The following SAXO1 variants were observed in gnomAD, a reference collection of about 807,000 sequenced individuals.
The protein encoded by SAXO1 is 4930500O09Rik.
In SAXO1, 21 loss-of-function variants were observed where a neutral mutation model predicts 17.5. That is an observed-to-expected ratio of 1.20 (90% CI 0.85 to 1.72). The LOEUF is 1.72. Ranked by LOEUF, SAXO1 falls within the 40% of genes most tolerant of loss-of-function variation. The probability of loss-of-function intolerance (pLI) is 0.00; values close to 1 mark genes in which losing one functional copy is unlikely to be tolerated. For synonymous variants in SAXO1, 274 were observed against 216.5 expected, an observed-to-expected ratio of 1.27 and a Z score of -2.33; for missense variants, 843 against 596.0, an observed-to-expected ratio of 1.41 and a Z score of -4.32.
intron 1 of SAXO1, among the ~76,000 whole-genome samples, chr9:18,955,448 G>A (rs1832218724): frequency 6.6e-6 from 1 of 152,062 alleles, no homozygotes. Context: ...CTTCCCTATT[G>A]GAAAGTGCAG....
intron 1 of SAXO1, among the ~76,000 whole-genome samples, chr9:19,031,973 A>G (rs1835794128): frequency 6.6e-6 from 1 of 152,330 alleles, no homozygotes; most frequent in African/African-American, 2.4e-5. Flanking sequence ...ACACTAACAT[A>G]TTAAGCACAA....
chr9:19,045,102 A>C (rs1269463306), intron 1 of SAXO1, among the ~76,000 whole-genome samples: 2 of 150,346 alleles, frequency 1.3e-5, no homozygotes, highest in Admixed American at 6.6e-5. Flanking sequence ...TGAGGTCAGG[A>C]GATCGAGACC....
rs1830895235 is a variant in SAXO1 at position 18,928,679 on chromosome 9, C to T, written c.798G>A (p.Met266Ile). ...GAAACTCAGTGGTGTTACAGAAAGG[C>T]ATGTCTAGCCCAGGAGGCCTGGCTA... ...KPLARPPGLD[M>I]PFCNTTEFRD... Residue 266 changes from methionine to isoleucine, a missense_variant, in exon 4 of 4, where the codon ATG (methionine) becomes ATA (isoleucine). Physicochemically the swap from Met to Ile is conservative, Grantham distance 10. Transcript: ENST00000380534. 2.5e-6 allele frequency: 4 copies of T among 1,614,110 alleles called. No individual in the cohort carries two copies. The highest frequency in any genetic ancestry group is 3.4e-6 in the Non-Finnish European group (4 of 1,180,028).
intron 1 of SAXO1, among the ~76,000 whole-genome samples, chr9:19,041,161 GAAAAAAAAAA>G (rs35085745): frequency 1.4e-5 from 1 of 73,036 alleles, no homozygotes; most frequent in African/African-American, 4.6e-5. Flanking sequence ...TGAACAATCT[GAAAAAAAAAA>G]AAAAAAAAGT....
chr9:18,960,085 C>A (rs1473318559), intron 1 of SAXO1, among the ~76,000 whole-genome samples: 1 of 152,216 alleles, frequency 6.6e-6, no homozygotes, highest in Non-Finnish European at 1.5e-5. Context: ...TCAGCGGCTA[C>A]TGGAGAGCAC....
chr9:18,975,497 A>C (rs895600611), intron 1 of SAXO1, among the ~76,000 whole-genome samples: 1 of 152,088 alleles, frequency 6.6e-6, no homozygotes, highest in African/African-American at 2.4e-5. Context: ...TGCCCTCCCT[A>C]CTCTAGGCAA....
In SAXO1 at chr9:18,939,851, T is replaced by G. The variant is rs372544818; in HGVS notation, c.421+1786A>C. ...ATAATGATTTTATCAAATGATTATC[T>G]GAGGAGTTTTATACAAAGGAGTGGT... On this transcript the variant is annotated intron_variant, in intron 3 of 3. Transcript: ENST00000380534. Among the ~76,000 whole-genome samples, 241 of 152,362 alleles carry G rather than the reference T, an allele frequency of 1.6e-3. 7 individuals are homozygous for G. In the South Asian group the frequency reaches 0.049, roughly 31 times the overall value.
Position 18,950,761 on chromosome 9 carries a change from G to A in SAXO1, c.215C>T (p.Ser72Leu), listed in dbSNP as rs767673402. The A allele has an allele frequency of 7.4e-6, 12 of 1,612,650 alleles. No individual in the cohort carries two copies. In the South Asian group the frequency reaches 1.2e-4, roughly 16 times the overall value. ...CATTAATACTGTTTGCCCTCACCTT[G>A]ATGTAGTCAGGCCTTCCATTGGTAT... Reference protein sequence around the residue: ...GPIPMEGLTTSRRDFGPHKVA... With the variant: ...GPIPMEGLTTLRRDFGPHKVA... Residue 72 changes from serine (S) to leucine (L), a missense_variant, in exon 2 of 4, where the codon TCA (serine) becomes TTA (leucine). By Grantham distance (145) the Ser-to-Leu change is moderately radical (BLOSUM62 -2). Transcript: ENST00000380534.
chr9:19,021,613 T>C (rs1470820838), intron 1 of SAXO1, among the ~76,000 whole-genome samples: 1 of 152,192 alleles, frequency 6.6e-6, no homozygotes, highest in Non-Finnish European at 1.5e-5. Flanking sequence ...TTCAAGGACC[T>C]GAACAAGTTC....
intron 1 of SAXO1, among the ~76,000 whole-genome samples, chr9:19,020,671 A>G (rs1047883178): frequency 1.2e-4 from 19 of 152,188 alleles, no homozygotes; most frequent in African/African-American, 4.3e-4. Flanking sequence ...GATAATTTTG[A>G]ATCTTCATTC....
At chr9:18,941,503 C>T in intron 3 of SAXO1, 134 bp downstream of exon 3, 1 of 919,834 alleles carries the variant, frequency 1.1e-6, no homozygotes, top group Non-Finnish European at 1.6e-6. Flanking sequence ...AAACAGGCTG[C>T]TGGCCAGATC....
At chr9:19,022,515 T>A (rs1325132944) in intron 1 of SAXO1, among the ~76,000 whole-genome samples, 1 of 152,232 alleles carries the variant, frequency 6.6e-6, no homozygotes, top group African/African-American at 2.4e-5. Context: ...TCACAGATTG[T>A]ATGTAGAGTT....
At chr9:18,961,752 G>A (rs962494125) in intron 1 of SAXO1, among the ~76,000 whole-genome samples, 3 of 152,190 alleles carry the variant, frequency 2.0e-5, no homozygotes, top group African/African-American at 7.2e-5. Context: ...GGGCATTTGG[G>A]TGGGTTCCAA....
chr9:18,942,841 C>T (rs12350028), intron 2 of SAXO1, among the ~76,000 whole-genome samples: 2,341 of 152,330 alleles, frequency 0.015, 45 homozygotes, highest in African/African-American at 0.047. Flanking sequence ...TAACATTTCC[C>T]TCTGAAGGGT....
chr9:18,997,050 G>C (rs927959632), intron 1 of SAXO1, among the ~76,000 whole-genome samples: 1 of 152,142 alleles, frequency 6.6e-6, no homozygotes, highest in African/African-American at 2.4e-5. Context: ...GGTGATTTCT[G>C]CATTTCCAAC....
intron 1 of SAXO1, among the ~76,000 whole-genome samples, chr9:18,982,439 T>C (rs546154395): frequency 6.6e-6 from 1 of 152,198 alleles, no homozygotes; most frequent in South Asian, 2.1e-4. Context: ...GCAACCAGTC[T>C]CCTAGGAAAA....
At chr9:18,970,721 G>C (rs151133659) in intron 1 of SAXO1, among the ~76,000 whole-genome samples, 1,857 of 152,296 alleles carry the variant, frequency 0.012, 22 homozygotes, top group Non-Finnish European at 0.02. Context: ...TCCTTCAAGA[G>C]AATGTCCCAG....
At chr9:19,033,368 G>A (rs983266445), upstream of SAXO1, 8 of 163,496 alleles carry the variant, frequency 4.9e-5, no homozygotes, top group Non-Finnish European at 9.2e-5. Flanking sequence ...GGGGTTCCCC[G>A]GTGAACCTTG....
At chr9:19,017,843 G>C (rs1190354071) in intron 1 of SAXO1, among the ~76,000 whole-genome samples, 1 of 152,154 alleles carries the variant, frequency 6.6e-6, no homozygotes, top group Non-Finnish European at 1.5e-5. Flanking sequence ...GATGATTTCA[G>C]GCATGCACAC....
Sources: gnomAD v4.1 joint callset for allele counts (sites outside exome capture counted in the v4.1 genomes callset) on GRCh38, gnomAD v4.1.1 for gene constraint, MANE v1.5 for transcripts, NCBI Gene and HGNC (gene_info 2026-07-23, HGNC 2026-07-21) for gene names.